The following TMEM17 variants were observed in gnomAD, a reference collection of about 807,000 sequenced individuals.
TMEM17 encodes the protein transmembrane protein 17.
Under a neutral mutation model 19.1 loss-of-function variants are expected in TMEM17, and 15 were observed. The observed-to-expected ratio is 0.78, with a 90% CI of 0.52 to 1.21. TMEM17 has a LOEUF of 1.21. Among genes scored for constraint, TMEM17 ranks in the 50% most tolerant of loss-of-function variants. The pLI is 0.00. For missense variants in TMEM17, 245 were observed against 242.3 expected (o/e 1.01, Z -0.07); for synonymous variants, 103 against 86.9 (o/e 1.19, Z -1.03).
At chr2:62,458,867 G>A in the TMEM17 span, among the ~76,000 whole-genome samples, 32 of 152,282 alleles carry the variant, frequency 2.1e-4, no homozygotes, top group East Asian at 6.2e-3. Context: ...AGAGTCCCTC[G>A]TGATGCCAAG....
chr2:62,475,752 G>A, the TMEM17 span, among the ~76,000 whole-genome samples: 1 of 152,220 alleles, frequency 6.6e-6, no homozygotes, highest in African/African-American at 2.4e-5. Flanking sequence ...TGGGTCTGCA[G>A]CTGGCTGGTT....
chr2:62,481,698 GGTGT>G, the TMEM17 span, among the ~76,000 whole-genome samples: 15,763 of 144,068 alleles, frequency 0.11, 1,005 homozygotes, highest in Non-Finnish European at 0.15. Flanking sequence ...ACCCCTTAAA[GGTGT>G]GTGTGTGTGT....
the TMEM17 span, among the ~76,000 whole-genome samples, chr2:62,489,541 C>T: frequency 6.6e-6 from 1 of 152,146 alleles, no homozygotes; most frequent in Non-Finnish European, 1.5e-5. Flanking sequence ...GTCTTTTTCA[C>T]TCTTCAATCC....
At chr2:62,463,818 C>G in the TMEM17 span, 1 of 152,220 alleles carries the variant, frequency 6.6e-6, no homozygotes, top group Non-Finnish European at 1.5e-5. Flanking sequence ...CCACCCCATC[C>G]TGTGCCTATA....
the TMEM17 span, among the ~76,000 whole-genome samples, chr2:62,466,728 G>A: frequency 5.3e-5 from 8 of 152,162 alleles, no homozygotes; most frequent in East Asian, 1.9e-4. Context: ...AGGGCTTTGC[G>A]CTGACCCCGC....
At chr2:62,476,584 T>A in the TMEM17 span, among the ~76,000 whole-genome samples, 4 of 152,150 alleles carry the variant, frequency 2.6e-5, no homozygotes, top group Non-Finnish European at 5.9e-5. Flanking sequence ...AATCCTAAGT[T>A]GCACCATCAT....
At chr2:62,494,373 C>T in the TMEM17 span, among the ~76,000 whole-genome samples, 3 of 152,114 alleles carry the variant, frequency 2.0e-5, no homozygotes, top group Non-Finnish European at 4.4e-5. Context: ...TCTTAATAAG[C>T]TCTCATTCTT....
the TMEM17 span, among the ~76,000 whole-genome samples, chr2:62,458,156 T>C: frequency 6.6e-6 from 1 of 152,218 alleles, no homozygotes; most frequent in African/African-American, 2.4e-5. Context: ...CAGCAAATTC[T>C]TGTAAAGGGC....
the TMEM17 span, among the ~76,000 whole-genome samples, chr2:62,468,014 C>T: frequency 6.6e-6 from 1 of 151,600 alleles, no homozygotes; most frequent in African/African-American, 2.4e-5. Flanking sequence ...TCTGCTGGGT[C>T]TGGTTAGGAA....
the TMEM17 span, among the ~76,000 whole-genome samples, chr2:62,469,940 T>A: frequency 6.6e-6 from 1 of 152,134 alleles, no homozygotes; most frequent in Non-Finnish European, 1.5e-5. Flanking sequence ...AGAGAGTCCA[T>A]CCCCACTCCA....
the TMEM17 span, among the ~76,000 whole-genome samples, chr2:62,467,174 C>G: frequency 1.3e-5 from 2 of 151,986 alleles, no homozygotes; most frequent in Non-Finnish European, 2.9e-5. Context: ...CAACACTTAG[C>G]CAGTCCTGTT....
the TMEM17 span, among the ~76,000 whole-genome samples, chr2:62,480,493 A>C: frequency 6.6e-6 from 1 of 152,114 alleles, no homozygotes; most frequent in Admixed American, 6.5e-5. Flanking sequence ...CTTTGCCCAG[A>C]TCAATGTTCT....
chr2:62,501,304 G>C lies in TMEM17; in HGVS notation c.502C>G (p.Gln168Glu). 1.2e-6 allele frequency: 2 copies of C among 1,614,174 alleles called. No individual in the cohort carries two copies. The highest frequency in any genetic ancestry group is 2.2e-5 in the South Asian group (2 of 91,064). The change falls in exon 4 of 4, where the codon CAG becomes GAG. Residue 168 changes from glutamine to glutamate, a missense_variant. Coordinates refer to ENST00000335390, the MANE Select transcript of TMEM17 (RefSeq NM_198276.3). ...TGGAGGTGGAAACGAACTGCCAACT[G>C]ATTAACCATTTTCCTTAAGGTAAGA... ...AFLTLRKMVNQLAVRFHLQDF... is the reference protein window; with the variant it reads ...AFLTLRKMVNELAVRFHLQDF...
At chr2:62,493,514 C>A in the TMEM17 span, among the ~76,000 whole-genome samples, 1 of 152,158 alleles carries the variant, frequency 6.6e-6, no homozygotes, top group East Asian at 1.9e-4. Flanking sequence ...TTAATATGTG[C>A]TTATCGTCTC....
the TMEM17 span, among the ~76,000 whole-genome samples, chr2:62,467,587 G>A: frequency 6.6e-6 from 1 of 152,220 alleles, no homozygotes; most frequent in Non-Finnish European, 1.5e-5. Context: ...GTCCTGCTTT[G>A]TTCTGCTTAG....
downstream of TMEM17, among the ~76,000 whole-genome samples, chr2:62,497,743 C>T (rs778141418): frequency 6.6e-6 from 1 of 152,198 alleles, no homozygotes; most frequent in Non-Finnish European, 1.5e-5. Flanking sequence ...TGCCTACCCC[C>T]CTCAGACAAT....
At chr2:62,475,058 G>A in the TMEM17 span, among the ~76,000 whole-genome samples, 1 of 152,140 alleles carries the variant, frequency 6.6e-6, no homozygotes, top group Non-Finnish European at 1.5e-5. Flanking sequence ...TGTTCTCCAG[G>A]TGCTTTCCAT....
At chr2:62,462,758 G>A in the TMEM17 span, among the ~76,000 whole-genome samples, 3 of 152,114 alleles carry the variant, frequency 2.0e-5, no homozygotes, top group Admixed American at 6.5e-5. Flanking sequence ...GCCCTAGAAC[G>A]TGGTCTTGGC....
At chr2:62,500,062 C>G (rs571079785), downstream of TMEM17, among the ~76,000 whole-genome samples, 1 of 152,286 alleles carries the variant, frequency 6.6e-6, no homozygotes, top group South Asian at 2.1e-4. Context: ...TGAACAAGAA[C>G]CTAGTAGATG....
Sources: gnomAD v4.1 joint callset for allele counts (sites outside exome capture counted in the v4.1 genomes callset) on GRCh38, gnomAD v4.1.1 for gene constraint, MANE v1.5 for transcripts, NCBI Gene and HGNC (gene_info 2026-07-23, HGNC 2026-07-21) for gene names.